PEX5L: variants seen among roughly 807,000 people sequenced by gnomAD.
PEX5L encodes the protein peroxisomal biogenesis factor 5 like.
In PEX5L, 30 loss-of-function variants were observed where a neutral mutation model predicts 84.0. The ratio of observed to expected loss-of-function variants is 0.36; its 90% CI spans 0.27 to 0.48. The LOEUF (loss-of-function observed/expected upper bound fraction) is 0.48, where lower values mean the gene tolerates loss of function less well. PEX5L is among the 20% of genes least tolerant of loss of function. The pLI, the probability that PEX5L is intolerant of heterozygous loss-of-function variation, is 0.99. For missense variants in PEX5L, 533 were observed against 754.6 expected (o/e 0.71, Z 3.44); for synonymous variants, 270 against 283.1 (o/e 0.95, Z 0.46).
At chr3:179,914,529 T>C (rs1275010102) in intron 2 of PEX5L, among the ~76,000 whole-genome samples, 2 of 152,224 alleles carry the variant, frequency 1.3e-5, no homozygotes, top group Non-Finnish European at 2.9e-5. Flanking sequence ...CATTCTGTTT[T>C]GTGTTGCCAC....
At chr3:179,832,764 C>T (rs943787967) in intron 8 of PEX5L, among the ~76,000 whole-genome samples, 5 of 151,728 alleles carry the variant, frequency 3.3e-5, no homozygotes, top group South Asian at 2.1e-4. Flanking sequence ...ACCTACCCAC[C>T]GATCTACCTA....
intron 2 of PEX5L, among the ~76,000 whole-genome samples, chr3:179,964,063 T>C (rs575765299): frequency 1.3e-5 from 2 of 152,224 alleles, no homozygotes; most frequent in East Asian, 3.9e-4. Flanking sequence ...TATCCATTAA[T>C]TCATTATTTC....
At chr3:179,933,114 G>C (rs568757977) in intron 2 of PEX5L, among the ~76,000 whole-genome samples, 31 of 152,248 alleles carry the variant, frequency 2.0e-4, no homozygotes, top group Non-Finnish European at 2.6e-4. Context: ...CATGGTATTT[G>C]CCTTTCTGCA....
chr3:179,847,075 GTGTGTGTATATA>G (rs1161161754), intron 8 of PEX5L, among the ~76,000 whole-genome samples: 2 of 67,582 alleles, frequency 3.0e-5, no homozygotes, highest in African/African-American at 5.0e-5. Flanking sequence ...GTGTGTGTGT[GTGTGTGTATATA>G]TATATATATA....
intron 7 of PEX5L, among the ~76,000 whole-genome samples, chr3:179,865,530 C>A (rs1214583709): frequency 6.8e-6 from 1 of 147,402 alleles, no homozygotes. Flanking sequence ...TTTTTTTCAT[C>A]ACAGGCAAAA....
chr3:180,008,409 C>T (rs1789119199), intron 1 of PEX5L, among the ~76,000 whole-genome samples: 6 of 152,192 alleles, frequency 3.9e-5, no homozygotes, highest in Admixed American at 3.9e-4. Flanking sequence ...CCAAATTTTC[C>T]CACATTTTCC....
chr3:179,987,444 A>G (rs1579242093), intron 1 of PEX5L, among the ~76,000 whole-genome samples: 1 of 152,234 alleles, frequency 6.6e-6, no homozygotes, highest in African/African-American at 2.4e-5. Context: ...GGGTGCTGGG[A>G]TTTAAAAATA....
chr3:179,908,451 C>G (rs1033353516), intron 2 of PEX5L, among the ~76,000 whole-genome samples: 1 of 152,150 alleles, frequency 6.6e-6, no homozygotes, highest in Non-Finnish European at 1.5e-5. Flanking sequence ...TCTCTCTAAA[C>G]TTCTGTTTTA....
At chr3:179,824,655 G>A (rs1216746714) in intron 8 of PEX5L, among the ~76,000 whole-genome samples, 10 of 140,424 alleles carry the variant, frequency 7.1e-5, no homozygotes, top group Non-Finnish European at 1.5e-4. Context: ...GTGATGAGCC[G>A]AGATCGTGCC....
chr3:179,807,939 C>G, intron 13 of PEX5L, 108 bp from the exon 14 acceptor site: 1 of 997,980 alleles, frequency 1.0e-6, no homozygotes. Flanking sequence ...TTATGCAGTG[C>G]TCATGGATGG....
In PEX5L at chr3:179,800,000, C is replaced by T. The variant is rs1316134427; in HGVS notation, c.*1828G>A. On this transcript the variant is annotated 3_prime_UTR_variant, in exon 15 of 15. Transcript: ENST00000467460. ...TCAACTTTGACAATGACTATCAAAA[C>T]CTGGCACTCCTCACAGTGGCCTCAG... 6.6e-6 allele frequency: 1 copy of T among 152,128 alleles called. No individual in the cohort carries two copies. Among genetic ancestry groups the T allele is most frequent in the Non-Finnish European group, 1.5e-5 (1 of 68,028 alleles). The allele number at this position is 152,128 out of a possible 1,614,324, so 9.4% of individuals were successfully genotyped here.
At chr3:179,920,675 C>G (rs1323195790) in intron 2 of PEX5L, among the ~76,000 whole-genome samples, 1 of 152,134 alleles carries the variant, frequency 6.6e-6, no homozygotes, top group African/African-American at 2.4e-5. Flanking sequence ...CATATCTATT[C>G]TCAAGACACG....
chr3:179,931,175 G>A (rs766426016), intron 2 of PEX5L, among the ~76,000 whole-genome samples: 2 of 152,186 alleles, frequency 1.3e-5, no homozygotes, highest in Non-Finnish European at 2.9e-5. Context: ...TTTAAGCTGA[G>A]TGTCTATTGT....
intron 8 of PEX5L, among the ~76,000 whole-genome samples, chr3:179,854,732 A>G (rs572763936): frequency 6.6e-6 from 1 of 152,226 alleles, no homozygotes; most frequent in Non-Finnish European, 1.5e-5. Flanking sequence ...TTCAGTCAAC[A>G]AATATTTATT....
chr3:179,946,594 T>A (rs1777613913), intron 2 of PEX5L, among the ~76,000 whole-genome samples: 1 of 152,194 alleles, frequency 6.6e-6, no homozygotes. Context: ...AATTCTTAAC[T>A]CTAAGTAGAG....
chr3:180,008,831 G>A (rs1789165656), intron 1 of PEX5L, among the ~76,000 whole-genome samples: 1 of 152,188 alleles, frequency 6.6e-6, no homozygotes, highest in Non-Finnish European at 1.5e-5. Flanking sequence ...CAACACATGG[G>A]AATTCTGGGA....
chr3:180,007,454 T>C (rs1276451274), intron 1 of PEX5L, among the ~76,000 whole-genome samples: 2 of 152,204 alleles, frequency 1.3e-5, no homozygotes, highest in Admixed American at 1.3e-4. Flanking sequence ...TCTACCATTC[T>C]GGAGTCTGGA....
chr3:179,961,195 ATGTGTATGTGTG>A (rs1265406050), intron 2 of PEX5L, among the ~76,000 whole-genome samples: 3 of 139,914 alleles, frequency 2.1e-5, no homozygotes, highest in South Asian at 2.3e-4. Context: ...TCACTTGTGT[ATGTGTATGTGTG>A]TGTGTGTGTG....
chr3:179,841,230 C>T (rs1445829824), intron 8 of PEX5L, among the ~76,000 whole-genome samples: 1 of 152,138 alleles, frequency 6.6e-6, no homozygotes. Flanking sequence ...CTCCCACCAG[C>T]CCCCGCCCCA....
Sources: allele counts gnomAD v4.1 joint callset (sites outside exome capture counted in the v4.1 genomes callset), GRCh38; gene constraint gnomAD v4.1.1; transcripts MANE v1.5; gene names NCBI Gene and HGNC (gene_info 2026-07-23, HGNC 2026-07-21).